The following CXCL14 variants were observed in gnomAD, a reference collection of about 807,000 sequenced individuals.
CXCL14 encodes C-X-C motif chemokine ligand 14.
Under a neutral mutation model 16.1 loss-of-function variants are expected in CXCL14, and 9 were observed. The observed-to-expected ratio is 0.56, with a 90% CI of 0.34 to 0.97. The LOEUF (loss-of-function observed/expected upper bound fraction) is 0.97, where lower values mean the gene tolerates loss of function less well. CXCL14 is among the 50% of genes least tolerant of loss of function. The probability of loss-of-function intolerance (pLI) is 0.02; values close to 1 mark genes in which losing one functional copy is unlikely to be tolerated. For synonymous variants in CXCL14, 55 were observed against 52.8 expected (o/e 1.04, Z -0.18); for missense variants, 111 against 132.5 (o/e 0.84, Z 0.80).
intron 2 of CXCL14, among the ~76,000 whole-genome samples, chr5:135,577,198 T>C (rs1044029973): frequency 2.6e-5 from 4 of 152,124 alleles, no homozygotes; most frequent in African/African-American, 9.7e-5. Context: ...AATAGAGTGG[T>C]TTTCAGCTCT....
At chr5:135,574,391 G>A (rs1435442528) in intron 3 of CXCL14, among the ~76,000 whole-genome samples, 181 bp downstream of exon 3, 4 of 152,260 alleles carry the variant, frequency 2.6e-5, no homozygotes, top group Admixed American at 6.5e-5. Flanking sequence ...GCTTTGGTAA[G>A]TGGTGAGTTC....
At chr5:135,577,393 G>A (rs1377783623) in intron 2 of CXCL14, among the ~76,000 whole-genome samples, 1 of 152,188 alleles carries the variant, frequency 6.6e-6, no homozygotes, top group East Asian at 1.9e-4. Flanking sequence ...GTTAATTTAG[G>A]TGTCTGTGAA....
At chr5:135,577,062 T>G (rs1438029154) in intron 2 of CXCL14, among the ~76,000 whole-genome samples, 1 of 152,178 alleles carries the variant, frequency 6.6e-6, no homozygotes, top group Non-Finnish European at 1.5e-5. Flanking sequence ...AGTTTTTCTC[T>G]ATATGTGGAA....
In CXCL14 at chr5:135,578,883, C is replaced by G; in HGVS notation, c.-105G>C. Reference sequence around the variant, plus strand: ...CCCAGCTCTGCTCGGCTTTCTCTGCCCGGGGCGCGCCTTCCGGCTCTGCTG... The same window carrying G: ...CCCAGCTCTGCTCGGCTTTCTCTGCGCGGGGCGCGCCTTCCGGCTCTGCTG... On this transcript the variant is annotated 5_prime_UTR_variant, in exon 1 of 4. Coordinates refer to ENST00000512158, the MANE Select transcript of CXCL14 (RefSeq NM_004887.5). 2 of 1,245,302 alleles carry G rather than the reference C, an allele frequency of 1.6e-6. No homozygotes were observed. Among genetic ancestry groups the G allele is most frequent in the South Asian group, 3.4e-5 (2 of 59,482 alleles). 77.1% of individuals were successfully genotyped at this position (1,245,302 alleles called of 1,614,324 possible).
At chr5:135,573,712 G>A (rs1290013799) in intron 3 of CXCL14, among the ~76,000 whole-genome samples, 10 of 96,298 alleles carry the variant, frequency 1.0e-4, no homozygotes, top group Non-Finnish European at 1.6e-4. Flanking sequence ...ATGCATGCGT[G>A]TGTGTGTGTG....
chr5:135,578,964 T>G lies in CXCL14; in HGVS notation c.-186A>C. The G allele has an allele frequency of 1.7e-6, 1 of 589,004 alleles. No individual in the cohort carries two copies. The highest frequency in any genetic ancestry group is 2.8e-6 in the Non-Finnish European group (1 of 359,946). 36.5% of individuals were successfully genotyped at this position (589,004 alleles called of 1,614,324 possible). A position where few individuals can be genotyped will look rare whatever the true frequency, so the allele number is the denominator to read the frequency against. On this transcript the variant is annotated 5_prime_UTR_variant, in exon 1 of 4. Transcript: ENST00000512158. ...GGCTGTCTGTGGCCGTGCGCTGCGCTCTGCGCTTGTCTCCGCGCTCTCTCC... is the reference window on the plus strand; with the variant it reads ...GGCTGTCTGTGGCCGTGCGCTGCGCGCTGCGCTTGTCTCCGCGCTCTCTCC...
intron 1 of CXCL14, 81 bp from the exon 2 acceptor site, chr5:135,578,620 C>T (rs952535462): frequency 1.7e-5 from 27 of 1,593,472 alleles, no homozygotes; most frequent in Non-Finnish European, 2.2e-5. Context: ...CCCAGACCAC[C>T]CCCCGCGGGA....
chr5:135,571,214 T>C lies in CXCL14; in HGVS notation c.*639A>G, dbSNP rs1319647319. The stretch of plus-strand genomic sequence containing the variant: ...TCGCCATCACAGGATCTTGGAAATG[T>C]TTCCTAGGGTGTGTAAAAATTAACC... On this transcript the variant is annotated 3_prime_UTR_variant, in exon 4 of 4. Transcript: ENST00000512158. 6.6e-6 allele frequency: 1 copy of C among 152,220 alleles called. No homozygotes were observed. Among genetic ancestry groups the C allele is most frequent in the Non-Finnish European group, 1.5e-5 (1 of 68,046 alleles). 9.4% of individuals were successfully genotyped at this position (152,220 alleles called of 1,614,324 possible).
rs1386194208 is a variant in CXCL14 at position 135,578,458 on chromosome 5, G to A, written c.146C>T (p.Pro49Leu). The A allele has an allele frequency of 1.2e-6, 2 of 1,614,168 alleles. No homozygotes were observed. Among genetic ancestry groups the A allele is most frequent in the Non-Finnish European group, 1.7e-6 (2 of 1,179,998 alleles). Residue 49 changes from proline to leucine, a missense_variant, in exon 2 of 4, where the codon CCG (proline) becomes CTG (leucine). Transcript: ENST00000512158. ...CATAACCATCTTCTCCTCGCAGTGC[G>A]GGTACTTTGGCTTCATTTCCAGCTT... is the stretch of plus-strand genomic sequence containing the variant. ...VKKLEMKPKY[P>L]HCEEKMVIIT...
intron 3 of CXCL14, 131 bp from the exon 4 acceptor site, chr5:135,571,999 A>C: frequency 1.2e-6 from 1 of 845,200 alleles, no homozygotes; most frequent in Non-Finnish European, 1.9e-6. Context: ...AGGAACCCCC[A>C]GGAGAAGTGG....
chr5:135,570,883 A>G lies in CXCL14; in HGVS notation c.*970T>C, dbSNP rs1678013861. The G allele has an allele frequency of 6.6e-6, 1 of 152,236 alleles. No individual in the cohort carries two copies. Among genetic ancestry groups the G allele is most frequent in the South Asian group, 2.1e-4 (1 of 4,832 alleles). 9.4% of individuals were successfully genotyped at this position (152,236 alleles called of 1,614,324 possible). On this transcript the variant is annotated 3_prime_UTR_variant, in exon 4 of 4. Transcript: ENST00000512158. ...GCGCATGGTCATCTTAGCTTTCGAA[A>G]GAGGACTGCACTGTTTAACATTGAA...
chr5:135,573,709 CGTGTGT>C (rs3057739), intron 3 of CXCL14, among the ~76,000 whole-genome samples: 2,684 of 145,488 alleles, frequency 0.018, 34 homozygotes, highest in South Asian at 0.041. Context: ...TGCATGCATG[CGTGTGT>C]GTGTGTGTGT....
chr5:135,571,940 G>T (rs1009441381), intron 3 of CXCL14, 72 bp from the exon 4 acceptor site: 4 of 1,518,104 alleles, frequency 2.6e-6, no homozygotes, highest in Non-Finnish European at 9.1e-7. Flanking sequence ...CTGGCTAAGC[G>T]GCTTCATTCA....
At chr5:135,577,912 G>A (rs1393326377) in intron 2 of CXCL14, among the ~76,000 whole-genome samples, 1 of 152,218 alleles carries the variant, frequency 6.6e-6, no homozygotes, top group Non-Finnish European at 1.5e-5. Context: ...AGGGAAGCTC[G>A]TGGAGCGTTC....
At chr5:135,573,866 G>C (rs1751059812) in intron 3 of CXCL14, among the ~76,000 whole-genome samples, 1 of 152,126 alleles carries the variant, frequency 6.6e-6, no homozygotes, top group Non-Finnish European at 1.5e-5. Context: ...TCCGAGGACA[G>C]ACATAAGACC....
In CXCL14 at chr5:135,578,872, G is replaced by T. The variant is rs1216803954; in HGVS notation, c.-94C>A. ...CGGAGACGCCACCCAGCTCTGCTCG[G>T]CTTTCTCTGCCCGGGGCGCGCCTTC... On this transcript the variant is annotated 5_prime_UTR_variant, in exon 1 of 4. Transcript: ENST00000512158. The T allele has an allele frequency of 1.5e-6, 2 of 1,320,514 alleles. No homozygotes were observed. The highest frequency in any genetic ancestry group is 9.9e-7 in the Non-Finnish European group (1 of 1,007,058). 81.8% of individuals were successfully genotyped at this position (1,320,514 alleles called of 1,614,324 possible).
At chr5:135,573,934 G>T (rs1430370789) in intron 3 of CXCL14, among the ~76,000 whole-genome samples, 1 of 152,186 alleles carries the variant, frequency 6.6e-6, no homozygotes, top group East Asian at 1.9e-4. Flanking sequence ...TGCCCAGTAA[G>T]TACAGGGCTG....
In CXCL14 at chr5:135,578,831, C is replaced by A. The variant is rs1225128290; in HGVS notation, c.-53G>T. Reference sequence around the variant, plus strand: ...CAGGGACATGGGGAGGGCGCTGGCCCGTCGGAGCGGCGGCCCGGAGACGCC... The same window carrying A: ...CAGGGACATGGGGAGGGCGCTGGCCAGTCGGAGCGGCGGCCCGGAGACGCC... On this transcript the variant is annotated 5_prime_UTR_variant, in exon 1 of 4. Transcript: ENST00000512158. 2 of 1,484,040 alleles carry A rather than the reference C, an allele frequency of 1.3e-6. No individual in the cohort carries two copies. 91.9% of individuals were successfully genotyped at this position (1,484,040 alleles called of 1,614,324 possible).
intron 2 of CXCL14, 76 bp from the exon 3 acceptor site, chr5:135,574,761 C>A (rs949036733): frequency 1.6e-6 from 2 of 1,254,582 alleles, no homozygotes; most frequent in Non-Finnish European, 2.3e-6. Context: ...CTGTGAGTAG[C>A]CCTGGGCTAA....
Sources: allele counts gnomAD v4.1 joint callset (sites outside exome capture counted in the v4.1 genomes callset), GRCh38; gene constraint gnomAD v4.1.1; transcripts MANE v1.5; gene names NCBI Gene and HGNC (gene_info 2026-07-23, HGNC 2026-07-21).